Variants in NR3C2 observed in about 807,000 individuals in gnomAD.
The protein encoded by NR3C2 is mineralocorticoid receptor.
Under a neutral mutation model 86.4 loss-of-function variants are expected in NR3C2, and 15 were observed. The ratio of observed to expected loss-of-function variants is 0.17; its 90% CI spans 0.12 to 0.27. The LOEUF is 0.27. NR3C2 is among the 10% of genes least tolerant of loss of function. NR3C2 has a pLI of 1.00. For synonymous variants in NR3C2, 458 were observed against 450.5 expected (o/e 1.02, Z -0.21); for missense variants, 960 against 1,195.6 (o/e 0.80, Z 2.91).
chr4:148,298,251 A>G (rs1742161266), intron 2 of NR3C2, among the ~76,000 whole-genome samples: 2 of 152,240 alleles, frequency 1.3e-5, no homozygotes, highest in African/African-American at 4.8e-5. Context: ...TGACATAAAT[A>G]CATCTCAAAA....
chr4:148,144,618 G>T lies in NR3C2; in HGVS notation c.2510+7851C>A, dbSNP rs144149168. 3.3e-5 allele frequency among the ~76,000 whole-genome samples: 5 copies of T among 152,288 alleles called. No homozygotes were observed. In the East Asian group the frequency reaches 9.6e-4, roughly 29 times the overall value. On this transcript the variant is annotated intron_variant, in intron 6 of 8. Transcript: ENST00000358102. ...GAAATAATTCTGGTTTTGGGGACTT[G>T]TATCTACCTCTCCTCTCTCCCTGTA...
chr4:148,224,699 G>T (rs1287324209), intron 3 of NR3C2, among the ~76,000 whole-genome samples: 1 of 152,180 alleles, frequency 6.6e-6, no homozygotes, highest in Admixed American at 6.6e-5. Flanking sequence ...GCTCTGCCAT[G>T]TCTTAGAAAA....
chr4:148,334,528 T>C (rs183865426), intron 2 of NR3C2, among the ~76,000 whole-genome samples: 59 of 152,226 alleles, frequency 3.9e-4, no homozygotes, highest in Non-Finnish European at 6.8e-4. Flanking sequence ...AGTGACAGAA[T>C]GAGACTCCAT....
Position 148,331,721 on chromosome 4 carries a change from T to G in NR3C2, c.1758-71604A>C, listed in dbSNP as rs561773979. Among the ~76,000 whole-genome samples, 34 of 152,358 alleles carry G rather than the reference T, an allele frequency of 2.2e-4. No homozygotes were observed. The South Asian group carries it at 6.8e-3, about 31-fold the overall frequency. ...AAGGTGAAGAGAGATAGTATCTATA[T>G]ATTCTGATGTTTCACATCCAGATGA... On this transcript the variant is annotated intron_variant, in intron 2 of 8. Transcript: ENST00000358102.
At chr4:148,274,277 A>G (rs1386013881) in intron 2 of NR3C2, among the ~76,000 whole-genome samples, 1 of 152,256 alleles carries the variant, frequency 6.6e-6, no homozygotes, top group Non-Finnish European at 1.5e-5. Context: ...TTAGAAAGAC[A>G]GGTGTATATA....
intron 2 of NR3C2, among the ~76,000 whole-genome samples, chr4:148,344,116 GGACT>G (rs1217826692): frequency 6.6e-6 from 1 of 152,092 alleles, no homozygotes; most frequent in Non-Finnish European, 1.5e-5. Context: ...CGTCTTTTTA[GGACT>G]GACTTAACTA....
intron 3 of NR3C2, among the ~76,000 whole-genome samples, chr4:148,231,195 C>G (rs1385351124): frequency 6.6e-6 from 1 of 152,168 alleles, no homozygotes; most frequent in Non-Finnish European, 1.5e-5. Flanking sequence ...GGATAAAATT[C>G]TCTAATGCAT....
At chr4:148,322,177 T>G (rs2149954887) in intron 2 of NR3C2, among the ~76,000 whole-genome samples, 1 of 149,322 alleles carries the variant, frequency 6.7e-6, no homozygotes, top group East Asian at 2.0e-4. Context: ...GGTTGAAAAT[T>G]CTTTTCTTTA....
Position 148,112,006 on chromosome 4 carries a change from C to A in NR3C2, c.2799+2098G>T, listed in dbSNP as rs1732066665. On this transcript the variant is annotated intron_variant, in intron 8 of 8. Coordinates refer to ENST00000358102, the MANE Select transcript of NR3C2 (RefSeq NM_000901.5). ...TATCAGTTATACCTCAATTAAGAAA[C>A]CCCCACAGACACTAATTTACTTTGG... Among the ~76,000 whole-genome samples, 5 of 152,084 alleles carry A rather than the reference C, an allele frequency of 3.3e-5. No individual in the cohort carries two copies. In the South Asian group the frequency reaches 1.0e-3, roughly 32 times the overall value.
chr4:148,143,933 G>A (rs1257534848), intron 6 of NR3C2, among the ~76,000 whole-genome samples: 1 of 120,814 alleles, frequency 8.3e-6, no homozygotes, highest in Non-Finnish European at 1.6e-5. Flanking sequence ...GGCAACAAGA[G>A]CGAAACTCTG....
Position 148,391,283 on chromosome 4 carries a change from TGTGA to T in NR3C2, c.1757+43817_1757+43820del, listed in dbSNP as rs551757113. Among the ~76,000 whole-genome samples the T allele has an allele frequency of 7.5e-4, 115 of 152,342 alleles. 1 individual carries two copies. The East Asian group carries it at 0.021, about 28-fold the overall frequency. Reference sequence around the variant, plus strand: ...AACGGTTTTCTGTTCTATTTCTCACTGTGAGTCAGAATTGTACATCTCATATTTA... The same window carrying T: ...AACGGTTTTCTGTTCTATTTCTCACTGTCAGAATTGTACATCTCATATTTA... On this transcript the variant is annotated intron_variant, in intron 2 of 8. Coordinates refer to ENST00000358102, the MANE Select transcript of NR3C2 (RefSeq NM_000901.5).
chr4:148,230,021 C>T (rs1360112667), intron 3 of NR3C2, among the ~76,000 whole-genome samples: 3 of 152,146 alleles, frequency 2.0e-5, no homozygotes, highest in African/African-American at 7.2e-5. Flanking sequence ...CAAAGGTTTC[C>T]TGAGACCTTC....
intron 2 of NR3C2, among the ~76,000 whole-genome samples, chr4:148,269,050 C>CA (rs1740535736): frequency 6.6e-6 from 1 of 152,136 alleles, no homozygotes; most frequent in Non-Finnish European, 1.5e-5. Flanking sequence ...AGAGTAAGGA[C>CA]TCCATGTTCT....
chr4:148,416,921 G>A (rs542753205), intron 2 of NR3C2, among the ~76,000 whole-genome samples: 27 of 151,996 alleles, frequency 1.8e-4, no homozygotes, highest in African/African-American at 6.5e-4. Flanking sequence ...GATAACAGGT[G>A]CCTGCCACCA....
chr4:148,243,541 A>T (rs1277468622), intron 3 of NR3C2, among the ~76,000 whole-genome samples: 2 of 152,210 alleles, frequency 1.3e-5, no homozygotes, highest in African/African-American at 2.4e-5. Flanking sequence ...CTGGATTTCA[A>T]AGGGCTCCAT....
At chr4:148,359,136 T>C (rs1291172214) in intron 2 of NR3C2, among the ~76,000 whole-genome samples, 1 of 152,160 alleles carries the variant, frequency 6.6e-6, no homozygotes, top group Admixed American at 6.5e-5. Context: ...TATAGTCCTC[T>C]CTCTTTTTTT....
chr4:148,374,962 TAAAAG>T (rs1370058945), intron 2 of NR3C2, among the ~76,000 whole-genome samples: 2 of 152,178 alleles, frequency 1.3e-5, no homozygotes, highest in African/African-American at 2.4e-5. Context: ...ATTTCCTTCT[TAAAAG>T]AAAACAGATT....
At chr4:148,363,749 C>T (rs182143670) in intron 2 of NR3C2, among the ~76,000 whole-genome samples, 74 of 152,148 alleles carry the variant, frequency 4.9e-4, no homozygotes, top group East Asian at 2.9e-3. Context: ...GTGATCCACC[C>T]GCCTTGGCCT....
chr4:148,252,148 T>C (rs1739609507), intron 3 of NR3C2, among the ~76,000 whole-genome samples: 2 of 152,184 alleles, frequency 1.3e-5, no homozygotes, highest in South Asian at 4.1e-4. Context: ...TTTGATAGAA[T>C]TATCAAGAGG....
Sources: gnomAD v4.1 joint callset for allele counts (sites outside exome capture counted in the v4.1 genomes callset) on GRCh38, gnomAD v4.1.1 for gene constraint, MANE v1.5 for transcripts, NCBI Gene and HGNC (gene_info 2026-07-23, HGNC 2026-07-21) for gene names.